Variants in PPIP5K2 observed in about 807,000 individuals in gnomAD.
PPIP5K2 encodes diphosphoinositol pentakisphosphate kinase 2, also known as inositol hexakisphosphate and diphosphoinositol-pentakisphosphate kinase 2.
In PPIP5K2, 105 loss-of-function variants were observed where a neutral mutation model predicts 154.6. That is an observed-to-expected ratio of 0.68 (90% CI 0.58 to 0.80). The LOEUF (loss-of-function observed/expected upper bound fraction) is 0.80, where lower values mean the gene tolerates loss of function less well. Ranked by LOEUF, PPIP5K2 falls within the 30% of genes least tolerant of loss-of-function variation. The pLI, the probability that PPIP5K2 is intolerant of heterozygous loss-of-function variation, is 0.00. For synonymous variants in PPIP5K2, 480 were observed against 490.3 expected (o/e 0.98, Z 0.28); for missense variants, 992 against 1,504.6 (o/e 0.66, Z 5.64).
chr5:103,173,606 C>G (rs782752544), intron 20 of PPIP5K2, among the ~76,000 whole-genome samples: 36 of 151,864 alleles, frequency 2.4e-4, no homozygotes, highest in Admixed American at 7.2e-4. Flanking sequence ...ATAAAATAAC[C>G]TATTTACAGT....
At position 103,209,050 on chromosome 5, in the gene PPIP5K2, A is replaced by G. The variant is rs543812728; in HGVS notation, c.*7416A>G. 6.6e-6 allele frequency: 1 copy of G among 152,328 alleles called. No individual in the cohort carries two copies. Among genetic ancestry groups the G allele is most frequent in the South Asian group, 2.1e-4 (1 of 4,828 alleles). 9.4% of individuals were successfully genotyped at this position (152,328 alleles called of 1,614,324 possible). ...AGACTGCCCATCTCAATTATATTTTAAAAATGAAGTTAATATCTGTCCTGC... is the reference window on the plus strand; with the variant it reads ...AGACTGCCCATCTCAATTATATTTTGAAAATGAAGTTAATATCTGTCCTGC... On this transcript the variant is annotated 3_prime_UTR_variant, in exon 31 of 31. Transcript: ENST00000358359.
rs370123478 is a variant in PPIP5K2 at position 103,206,779 on chromosome 5, C to T, written c.*5145C>T. On this transcript the variant is annotated 3_prime_UTR_variant, in exon 31 of 31. Transcript: ENST00000358359. Reference sequence around the variant, plus strand: ...CCATTTTTCCCCTACCATGGACTAGCACTGGACATGCGTCAATCAGACGAC... The same window carrying T: ...CCATTTTTCCCCTACCATGGACTAGTACTGGACATGCGTCAATCAGACGAC... 44 of 152,316 alleles carry T rather than the reference C, an allele frequency of 2.9e-4. No individual in the cohort carries two copies. Among genetic ancestry groups the T allele is most frequent in the African/African-American group, 1.1e-3 (44 of 41,566 alleles). The allele number at this position is 152,316 out of a possible 1,614,324, so 9.4% of individuals were successfully genotyped here.
chr5:103,158,511 G>C lies in PPIP5K2; in HGVS notation c.1675G>C (p.Asp559His). 1.2e-6 allele frequency: 2 copies of C among 1,613,130 alleles called. No homozygotes were observed. Among genetic ancestry groups the C allele is most frequent in the Non-Finnish European group, 1.7e-6 (2 of 1,179,656 alleles). Residue 559 changes from aspartate to histidine, a missense_variant, in exon 16 of 31, where the codon GAC becomes CAC. This residue lies in a region of PPIP5K2 where 22 missense variants were observed against 95.5 expected (regional missense o/e 0.23). Transcript: ENST00000358359. ...TAGATTACATAGCACCTACAGACAT[G>C]ACCTCAAAATATATGCCTCTGATGA... ...LLRLHSTYRH[D>H]LKIYASDEGR...
At chr5:103,188,475 TAAG>T (rs1800737018) in intron 28 of PPIP5K2, 1 of 152,128 alleles carries the variant, frequency 6.6e-6, no homozygotes, top group African/African-American at 2.4e-5. Flanking sequence ...GAAGGTGGAA[TAAG>T]AAGATCTCAT....
At chr5:103,124,575 C>T (rs1789328409) in intron 1 of PPIP5K2, among the ~76,000 whole-genome samples, 2 of 152,140 alleles carry the variant, frequency 1.3e-5, no homozygotes, top group Non-Finnish European at 2.9e-5. Flanking sequence ...TATCTACATA[C>T]ATAAAACATT....
chr5:103,129,631 A>G lies in PPIP5K2; in HGVS notation c.42A>G (p.Thr14=). The G allele has an allele frequency of 6.2e-7, 1 of 1,609,564 alleles. No individual in the cohort carries two copies. The highest frequency in any genetic ancestry group is 1.1e-5 in the South Asian group (1 of 90,174). ...APRFFVGPED[T]EINPGNYRHF... ...GATTCTTCGTTGGACCAGAAGATAC[A>G]GAAATAAATCCTGGAAATTATCGAC... The change falls in exon 2 of 31, where the codon ACA becomes ACG. Residue 14 remains threonine (T), a synonymous_variant. Transcript: ENST00000358359.
At chr5:103,189,359 T>C (rs983310002) in intron 28 of PPIP5K2, 1 of 585,436 alleles carries the variant, frequency 1.7e-6, no homozygotes, top group Admixed American at 3.4e-5. Flanking sequence ...GGAACTTAAT[T>C]ATATTGTCAT....
intron 10 of PPIP5K2, among the ~76,000 whole-genome samples, chr5:103,153,642 C>T (rs1224417034): frequency 2.6e-5 from 4 of 151,796 alleles, no homozygotes; most frequent in African/African-American, 7.2e-5. Context: ...CTTAATATCA[C>T]CTCCCTCCCC....
rs1255874225 is a variant in PPIP5K2, at chr5:103,208,592, T to C, written c.*6958T>C. On this transcript the variant is annotated 3_prime_UTR_variant, in exon 31 of 31. Coordinates refer to ENST00000358359, the MANE Select transcript of PPIP5K2 (RefSeq NM_001276277.3). Reference sequence around the variant, plus strand: ...CTACTGCTTGTCAATGTGATATGCATGTATTTTCTTCTTCAGCTTTGCCCC... The same window carrying C: ...CTACTGCTTGTCAATGTGATATGCACGTATTTTCTTCTTCAGCTTTGCCCC... 1 of 152,308 alleles carries C rather than the reference T, an allele frequency of 6.6e-6. No homozygotes were observed. Among genetic ancestry groups the C allele is most frequent in the East Asian group, 1.9e-4 (1 of 5,196 alleles). The allele number at this position is 152,308 out of a possible 1,614,324, so 9.4% of individuals were successfully genotyped here. A position where few individuals can be genotyped will look rare whatever the true frequency, so the allele number is the denominator to read the frequency against.
Position 103,210,922 on chromosome 5 carries a change from GA to G in PPIP5K2, c.*9291del, listed in dbSNP as rs1803772177. On this transcript the variant is annotated 3_prime_UTR_variant, in exon 31 of 31. Coordinates refer to ENST00000358359, the MANE Select transcript of PPIP5K2 (RefSeq NM_001276277.3). ...CTAAATAAAATGAAATACAGTTATG[GA>G]AATATTTCTGCTGCAAGAAAAGAAT... 1 of 152,034 alleles carries G rather than the reference GA, an allele frequency of 6.6e-6. No individual in the cohort carries two copies. The highest frequency in any genetic ancestry group is 2.4e-5 in the African/African-American group (1 of 41,416). 9.4% of individuals were successfully genotyped at this position (152,034 alleles called of 1,614,324 possible).
intron 5 of PPIP5K2, among the ~76,000 whole-genome samples, chr5:103,141,762 TAC>T (rs1187401344): frequency 3.4e-5 from 5 of 148,908 alleles, no homozygotes; most frequent in African/African-American, 1.3e-4. Context: ...TTGAGCTAGA[TAC>T]AGAGTGCCGA....
intron 19 of PPIP5K2, among the ~76,000 whole-genome samples, chr5:103,168,568 A>T (rs781935187): frequency 2.0e-5 from 3 of 151,848 alleles, no homozygotes; most frequent in Non-Finnish European, 1.5e-5. Context: ...AACAGAAGGT[A>T]CAAAGATTTC....
chr5:103,131,906 G>A (rs1181605872), intron 2 of PPIP5K2, among the ~76,000 whole-genome samples: 1 of 152,070 alleles, frequency 6.6e-6, no homozygotes, highest in Non-Finnish European at 1.5e-5. Context: ...ATTCATCTTA[G>A]CCAGTGAGCA....
At chr5:103,183,123 T>A (rs1554223513) in intron 24 of PPIP5K2, 111 bp from the exon 25 acceptor site, 1 of 987,552 alleles carries the variant, frequency 1.0e-6, no homozygotes. Flanking sequence ...CAAACTGTAT[T>A]TTTTTTTCTT....
intron 28 of PPIP5K2, 51 bp downstream of exon 28, chr5:103,187,427 T>C: frequency 7.4e-7 from 1 of 1,344,340 alleles, no homozygotes; most frequent in Non-Finnish European, 1.0e-6. Context: ...ATCCCTTTTT[T>C]ATTTTTATTT....
At chr5:103,140,785 G>T (rs32846) in intron 5 of PPIP5K2, among the ~76,000 whole-genome samples, 1 of 148,720 alleles carries the variant, frequency 6.7e-6, no homozygotes, top group African/African-American at 2.5e-5. Flanking sequence ...TGCAGTGAGC[G>T]GAGATCGCGC....
At position 103,154,037 on chromosome 5, in the gene PPIP5K2, C is replaced by G. The variant is rs1381462525; in HGVS notation, c.1217+103C>G. 3.8e-6 allele frequency: 3 copies of G among 792,522 alleles called. No homozygotes were observed. In the African/African-American group the frequency reaches 5.4e-5, roughly 14 times the overall value. The allele number at this position is 792,522 out of a possible 1,614,324, so 49.1% of individuals were successfully genotyped here. On this transcript the variant is annotated intron_variant, in intron 11 of 30. Coordinates refer to ENST00000358359, the MANE Select transcript of PPIP5K2 (RefSeq NM_001276277.3). ...ATACATCATATAGAAAAACTTTTAT[C>G]TACTGTCTCTTGGCCATTTATATTT...
intron 4 of PPIP5K2, among the ~76,000 whole-genome samples, chr5:103,137,287 C>T (rs532209761): frequency 3.9e-5 from 6 of 151,912 alleles, no homozygotes; most frequent in African/African-American, 4.8e-5. Context: ...CTCAGCCTCC[C>T]GAGTAGCTGG....
At chr5:103,123,015 C>A (rs76036371) in intron 1 of PPIP5K2, among the ~76,000 whole-genome samples, 12 of 152,170 alleles carry the variant, frequency 7.9e-5, no homozygotes, top group Non-Finnish European at 1.5e-4. Context: ...AGGTCTCCAA[C>A]AACAGCAGTG....
Sources: gnomAD v4.1 joint callset for allele counts (sites outside exome capture counted in the v4.1 genomes callset) on GRCh38, gnomAD v4.1.1 for gene constraint, gnomAD v4.1.1 regional missense constraint, MANE v1.5 for transcripts, NCBI Gene and HGNC (gene_info 2026-07-23, HGNC 2026-07-21) for gene names.